The following FZD3 variants were observed in gnomAD, a reference collection of about 807,000 sequenced individuals.
The protein encoded by FZD3 is frizzled-3.
Under a neutral mutation model 60.7 loss-of-function variants are expected in FZD3, and 30 were observed. The ratio of observed to expected loss-of-function variants is 0.49; its 90% confidence interval spans 0.37 to 0.67. FZD3 has a LOEUF of 0.67. Ranked by LOEUF, FZD3 falls within the 30% of genes least tolerant of loss-of-function variation. The probability of loss-of-function intolerance (pLI) is 0.00; values close to 1 mark genes in which losing one functional copy is unlikely to be tolerated. For missense variants in FZD3, 605 were observed against 838.7 expected, an observed-to-expected ratio of 0.72 and a Z score of 3.44; for synonymous variants, 246 against 275.2, an observed-to-expected ratio of 0.89 and a Z score of 1.05.
chr8:28,531,205 C>G (rs1294265623), intron 5 of FZD3, among the ~76,000 whole-genome samples: 1 of 106,228 alleles, frequency 9.4e-6, no homozygotes, highest in Non-Finnish European at 2.2e-5. Context: ...TATTTTTATA[C>G]TGTCGCTGAG....
At chr8:28,544,097 C>G (rs1370620432) in intron 5 of FZD3, among the ~76,000 whole-genome samples, 1 of 151,634 alleles carries the variant, frequency 6.6e-6, no homozygotes, top group East Asian at 1.9e-4. Flanking sequence ...AAAATAAAAT[C>G]GGATAAAATA....
At position 28,531,977 on chromosome 8, in the gene FZD3, C is replaced by CT. The variant is rs1365384736; in HGVS notation, c.1404+3819dup. Among the ~76,000 whole-genome samples the CT allele has an allele frequency of 5.3e-5, 8 of 152,138 alleles. No individual in the cohort carries two copies. In the South Asian group the frequency reaches 1.0e-3, roughly 20 times the overall value. On this transcript the variant is annotated intron_variant, in intron 5 of 7. Coordinates refer to ENST00000240093, the MANE Select transcript of FZD3 (RefSeq NM_017412.4). ...TTTTTCTAGCAGTTTCTACAATTTG[C>CT]TTTTTTGATTCATATCTCTAATCCC... is the stretch of plus-strand genomic sequence containing the variant.
rs1765667973 is a variant in FZD3 at position 28,569,273 on chromosome 8, A to G, written c.*6262A>G. The stretch of plus-strand genomic sequence containing the variant: ...AAAATCTATTTTCTAAATTGGCAGG[A>G]TTTTTTTAATGATTAGTAAAACTGT... On this transcript the variant is annotated 3_prime_UTR_variant, in exon 8 of 8. Transcript: ENST00000240093. 1 of 151,554 alleles carries G rather than the reference A, an allele frequency of 6.6e-6. No homozygotes were observed. The highest frequency in any genetic ancestry group is 2.4e-5 in the African/African-American group (1 of 41,282). The allele number at this position is 151,554 out of a possible 1,614,324, so 9.4% of individuals were successfully genotyped here.
In FZD3 at chr8:28,518,349, C is replaced by T. The variant is rs190299681; in HGVS notation, c.190-2289C>T. On this transcript the variant is annotated intron_variant, in intron 3 of 7. Transcript: ENST00000240093. ...CTGAGATTACAGCCGTGAGCCATTG[C>T]GTCCAGCCAGCAGATCACTTTAATT... Among the ~76,000 whole-genome samples, 116 of 152,094 alleles carry T rather than the reference C, an allele frequency of 7.6e-4. 1 individual carries two copies. Among genetic ancestry groups the T allele is most frequent in the Middle Eastern group, 6.8e-3 (2 of 294 alleles).
In FZD3 at chr8:28,520,382, GCTT is replaced by G. The variant is rs949529197; in HGVS notation, c.190-251_190-249del. On this transcript the variant is annotated intron_variant, in intron 3 of 7. Coordinates refer to ENST00000240093, the MANE Select transcript of FZD3 (RefSeq NM_017412.4). Reference sequence around the variant, plus strand: ...GATATTGTCAGTGGTTCTCAGCCCTGCTTCTTCATCAATATCACCTGTAATACC... The same window carrying G: ...GATATTGTCAGTGGTTCTCAGCCCTGCTTCATCAATATCACCTGTAATACC... 1.0e-3 allele frequency among the ~76,000 whole-genome samples: 157 copies of G among 152,114 alleles called. 1 individual carries two copies. Among genetic ancestry groups the G allele is most frequent in the African/African-American group, 3.6e-3 (151 of 41,482 alleles).
chr8:28,503,285 TAAAC>T lies in FZD3; in HGVS notation c.189+86_189+89del, dbSNP rs10601448. The T allele has an allele frequency of 6.4e-3, 4,595 of 720,054 alleles. 136 individuals carry two copies. The African/African-American group carries it at 0.074, about 12-fold the overall frequency. 44.6% of individuals were successfully genotyped at this position (720,054 alleles called of 1,614,324 possible). ...CAGCCAATCTAATGAATGTGTTTGA[TAAAC>T]AACAGGAAAATAATATGCTATTTTA... On this transcript the variant is annotated intron_variant, in intron 3 of 7. Transcript: ENST00000240093.
At chr8:28,531,626 A>AT (rs1244726943) in intron 5 of FZD3, among the ~76,000 whole-genome samples, 3 of 152,060 alleles carry the variant, frequency 2.0e-5, no homozygotes, top group Non-Finnish European at 4.4e-5. Context: ...AGGCTTCTAA[A>AT]TTTTTGCCAG....
chr8:28,554,966 T>G (rs989821448), intron 6 of FZD3, among the ~76,000 whole-genome samples: 1 of 152,184 alleles, frequency 6.6e-6, no homozygotes, highest in African/African-American at 2.4e-5. Context: ...TTACAACTGT[T>G]TAATTAGCTC....
intron 6 of FZD3, among the ~76,000 whole-genome samples, chr8:28,553,086 C>T (rs1805443334): frequency 6.6e-6 from 1 of 152,122 alleles, no homozygotes; most frequent in Admixed American, 6.5e-5. Context: ...AAACCACTCT[C>T]CTGAGGAAAT....
intron 7 of FZD3, among the ~76,000 whole-genome samples, chr8:28,558,371 A>G (rs926142813): frequency 6.6e-6 from 1 of 152,088 alleles, no homozygotes; most frequent in East Asian, 1.9e-4. Context: ...ATCACCCTCC[A>G]TGAACCCAGC....
At chr8:28,513,792 G>T (rs117322371) in intron 3 of FZD3, among the ~76,000 whole-genome samples, 181 of 152,280 alleles carry the variant, frequency 1.2e-3, no homozygotes, top group Admixed American at 2.9e-3. Context: ...ATAGGGTACA[G>T]TTTCTATGGT....
chr8:28,535,209 A>G (rs1804978467), intron 5 of FZD3, among the ~76,000 whole-genome samples: 2 of 152,064 alleles, frequency 1.3e-5, no homozygotes, highest in South Asian at 4.1e-4. Flanking sequence ...CTCGCTGAAA[A>G]CAGTTTCACT....
chr8:28,512,793 T>G (rs1450673195), intron 3 of FZD3, among the ~76,000 whole-genome samples: 2 of 152,104 alleles, frequency 1.3e-5, no homozygotes, highest in Non-Finnish European at 2.9e-5. Context: ...AAATTGCAGA[T>G]GGTATTTAAA....
intron 7 of FZD3, among the ~76,000 whole-genome samples, chr8:28,556,691 A>G: frequency 6.6e-6 from 1 of 152,362 alleles, no homozygotes; most frequent in South Asian, 2.1e-4. Flanking sequence ...TTGTAGCATG[A>G]AAGCAGTCAT....
chr8:28,505,611 C>T (rs1804117854), intron 3 of FZD3, among the ~76,000 whole-genome samples: 1 of 152,188 alleles, frequency 6.6e-6, no homozygotes, highest in Admixed American at 6.5e-5. Flanking sequence ...TTGGGCCTCC[C>T]AAAGTGCTGG....
chr8:28,551,342 C>T (rs772096533), intron 5 of FZD3, among the ~76,000 whole-genome samples: 1 of 152,048 alleles, frequency 6.6e-6, no homozygotes, highest in Non-Finnish European at 1.5e-5. Context: ...GGTGAAACCC[C>T]GTCTCTACTA....
intron 6 of FZD3, among the ~76,000 whole-genome samples, chr8:28,554,993 A>G (rs1261257288): frequency 6.6e-6 from 1 of 152,186 alleles, no homozygotes; most frequent in Non-Finnish European, 1.5e-5. Context: ...TAATTTAATT[A>G]CTGCCTTGTT....
At chr8:28,552,696 T>G (rs1324781395) in intron 6 of FZD3, among the ~76,000 whole-genome samples, 1 of 152,226 alleles carries the variant, frequency 6.6e-6, no homozygotes, top group African/African-American at 2.4e-5. Flanking sequence ...TTGAAGTTAC[T>G]TTAGTTTCAG....
Position 28,566,289 on chromosome 8 carries a change from C to T in FZD3, c.*3278C>T, listed in dbSNP as rs994042763. On this transcript the variant is annotated 3_prime_UTR_variant, in exon 8 of 8. Transcript: ENST00000240093. ...ATTTTGCATAGATAACAGTCCATATCACTATTATAATTAAAGAAATATATG... is the reference window on the plus strand; with the variant it reads ...ATTTTGCATAGATAACAGTCCATATTACTATTATAATTAAAGAAATATATG... 6.6e-6 allele frequency: 1 copy of T among 152,090 alleles called. No homozygotes were observed. The highest frequency in any genetic ancestry group is 2.4e-5 in the African/African-American group (1 of 41,422). The allele number at this position is 152,090 out of a possible 1,614,324, so 9.4% of individuals were successfully genotyped here.
Sources: gnomAD v4.1 joint callset for allele counts (sites outside exome capture counted in the v4.1 genomes callset) on GRCh38, gnomAD v4.1.1 for gene constraint, MANE v1.5 for transcripts, NCBI Gene and HGNC (gene_info 2026-07-23, HGNC 2026-07-21) for gene names.